Variants in MAST4 observed in about 807,000 individuals in gnomAD.
MAST4 encodes microtubule associated serine/threonine kinase family member 4.
A neutral mutation model predicts 162.7 loss-of-function variants in MAST4; 89 were observed. The ratio of observed to expected loss-of-function variants is 0.55; its 90% CI spans 0.46 to 0.65. The LOEUF is 0.65. Among genes scored for constraint, MAST4 ranks in the 30% least tolerant of loss-of-function variants. MAST4 has a pLI of 0.00. For synonymous variants in MAST4, 1,479 were observed against 1,361.1 expected (o/e 1.09, Z -1.91); for missense variants, 3,153 against 3,374.0 (o/e 0.93, Z 1.62).
At chr5:66,643,286 CTG>C (rs562161975) in intron 1 of MAST4, among the ~76,000 whole-genome samples, 52 of 152,280 alleles carry the variant, frequency 3.4e-4, no homozygotes, top group African/African-American at 1.2e-3. Context: ...TTCAGGAAAT[CTG>C]TGCGGAGCTT....
At chr5:66,600,488 C>G (rs77636438) in intron 1 of MAST4, among the ~76,000 whole-genome samples, 1 of 152,108 alleles carries the variant, frequency 6.6e-6, no homozygotes, top group African/African-American at 2.4e-5. Context: ...GCAAACTGGC[C>G]GAGGGCAGGA....
chr5:66,867,736 C>T (rs1760634772), intron 3 of MAST4, among the ~76,000 whole-genome samples: 1 of 152,248 alleles, frequency 6.6e-6, no homozygotes, highest in African/African-American at 2.4e-5. Context: ...GAATCCACCT[C>T]TTCCTCAGCC....
In MAST4 at chr5:66,733,097, A is replaced by G. The variant is rs565386413; in HGVS notation, c.364-26612A>G. ...GTCTCATTCCAAGGCCACATTCTCC[A>G]GAGCTACCAGGCAAATCTGTCCCAA... On this transcript the variant is annotated intron_variant, in intron 1 of 28. Coordinates refer to ENST00000403625, the MANE Select transcript of MAST4 (RefSeq NM_001164664.2). Among the ~76,000 whole-genome samples, 8 of 152,234 alleles carry G rather than the reference A, an allele frequency of 5.3e-5. No individual in the cohort carries two copies. The East Asian group carries it at 1.2e-3, about 22-fold the overall frequency.
At chr5:66,770,388 C>T (rs1002231349) in intron 2 of MAST4, among the ~76,000 whole-genome samples, 3 of 152,278 alleles carry the variant, frequency 2.0e-5, no homozygotes, top group Non-Finnish European at 2.9e-5. Flanking sequence ...GTTCCTTTGG[C>T]AGATGCTGCC....
chr5:66,741,338 C>T (rs1305143481), intron 1 of MAST4, among the ~76,000 whole-genome samples: 1 of 152,200 alleles, frequency 6.6e-6, no homozygotes, highest in East Asian at 1.9e-4. Flanking sequence ...CTGCTGTCTG[C>T]ACAGTGGCCA....
chr5:66,878,010 G>A (rs769327351), intron 3 of MAST4, among the ~76,000 whole-genome samples: 2 of 152,154 alleles, frequency 1.3e-5, no homozygotes, highest in African/African-American at 4.8e-5. Flanking sequence ...ATGACTGGCC[G>A]GGAGGCATGG....
At chr5:66,986,239 C>T (rs983235874) in intron 4 of MAST4, among the ~76,000 whole-genome samples, 1 of 152,052 alleles carries the variant, frequency 6.6e-6, no homozygotes, top group Non-Finnish European at 1.5e-5. Flanking sequence ...GGGCAGGTCC[C>T]TGGGGAGCAC....
chr5:66,625,064 G>C (rs895771759), intron 1 of MAST4, among the ~76,000 whole-genome samples: 1 of 152,130 alleles, frequency 6.6e-6, no homozygotes, highest in African/African-American at 2.4e-5. Context: ...CAAAGCTCTA[G>C]AGCATGACCT....
intron 13 of MAST4, among the ~76,000 whole-genome samples, chr5:67,119,028 C>T (rs1767259160): frequency 6.6e-6 from 1 of 152,166 alleles, no homozygotes; most frequent in Non-Finnish European, 1.5e-5. Context: ...AAGGAACATT[C>T]CAGACACAGG....
intron 1 of MAST4, among the ~76,000 whole-genome samples, chr5:66,699,458 A>AT (rs1164869466): frequency 2.0e-5 from 3 of 152,050 alleles, no homozygotes; most frequent in African/African-American, 4.8e-5. Context: ...TTCCAGAGGG[A>AT]TTTTTTTGTT....
At chr5:66,831,653 T>G (rs1757605462) in intron 3 of MAST4, among the ~76,000 whole-genome samples, 1 of 152,244 alleles carries the variant, frequency 6.6e-6, no homozygotes, top group Non-Finnish European at 1.5e-5. Context: ...GAGTTGTTCA[T>G]CTTAAGTGAC....
intron 1 of MAST4, among the ~76,000 whole-genome samples, chr5:66,711,971 CAGG>C (rs1490470240): frequency 5.9e-5 from 9 of 152,144 alleles, no homozygotes; most frequent in African/African-American, 2.2e-4. Context: ...TTCACCAGTT[CAGG>C]AGATTAGGAT....
intron 4 of MAST4, among the ~76,000 whole-genome samples, chr5:66,982,463 A>G (rs937734664): frequency 2.0e-5 from 3 of 152,190 alleles, no homozygotes; most frequent in African/African-American, 7.2e-5. Flanking sequence ...TTTATTTATT[A>G]AAGTGTGTAT....
At chr5:66,919,422 A>G (rs1764334941) in intron 4 of MAST4, among the ~76,000 whole-genome samples, 1 of 152,088 alleles carries the variant, frequency 6.6e-6, no homozygotes, top group Non-Finnish European at 1.5e-5. Flanking sequence ...GAACTTTGGG[A>G]GGCCAAGGTG....
intron 2 of MAST4, among the ~76,000 whole-genome samples, chr5:66,782,319 A>G (rs951824052): frequency 2.0e-5 from 3 of 151,588 alleles, no homozygotes; most frequent in Non-Finnish European, 2.9e-5. Flanking sequence ...AACACATTCT[A>G]GGAGAGGTCA....
intron 4 of MAST4, among the ~76,000 whole-genome samples, chr5:66,926,886 A>C (rs1764945642): frequency 1.3e-5 from 2 of 152,144 alleles, no homozygotes; most frequent in South Asian, 4.1e-4. Context: ...CCAAATTTAC[A>C]TCAGTGGTTA....
intron 3 of MAST4, among the ~76,000 whole-genome samples, chr5:66,827,415 C>G (rs1160452375): frequency 6.6e-6 from 1 of 152,172 alleles, no homozygotes; most frequent in Non-Finnish European, 1.5e-5. Flanking sequence ...CTTTGTATGT[C>G]TGGAGATATA....
intron 4 of MAST4, among the ~76,000 whole-genome samples, chr5:66,931,896 C>T (rs1352638114): frequency 6.6e-6 from 1 of 152,060 alleles, no homozygotes; most frequent in Non-Finnish European, 1.5e-5. Context: ...TTTAAAAGTA[C>T]ATGGAAGGAG....
chr5:66,774,353 G>A (rs1329653300), intron 2 of MAST4, among the ~76,000 whole-genome samples: 2 of 152,164 alleles, frequency 1.3e-5, no homozygotes, highest in Non-Finnish European at 2.9e-5. Flanking sequence ...TGGCGTATAC[G>A]TAAATAACAG....
Sources: allele counts gnomAD v4.1 joint callset (sites outside exome capture counted in the v4.1 genomes callset), GRCh38; gene constraint gnomAD v4.1.1; transcripts MANE v1.5; gene names NCBI Gene and HGNC (gene_info 2026-07-23, HGNC 2026-07-21).